MDM4: variants seen among roughly 807,000 people sequenced by gnomAD.
MDM4 encodes the protein MDM4 regulator of p53.
MDM4 carries 2 observed loss-of-function variants against 60.2 expected under a neutral mutation model. That is an observed-to-expected ratio of 0.03 (90% CI 0.01 to 0.10). MDM4 has a LOEUF of 0.10. Ranked by LOEUF, MDM4 falls within the 10% of genes least tolerant of loss-of-function variation. The pLI is 1.00. For missense variants in MDM4, 447 were observed against 577.5 expected, an observed-to-expected ratio of 0.77 and a Z score of 2.32; for synonymous variants, 202 against 198.1, an observed-to-expected ratio of 1.02 and a Z score of -0.17.
At chr1:204,536,870 G>A in intron 5 of MDM4, 1 of 363,682 alleles carries the variant, frequency 2.7e-6, no homozygotes, top group Non-Finnish European at 5.3e-6. Flanking sequence ...TTTATATACA[G>A]GTGATGGTAA....
chr1:204,532,186 A>G lies in MDM4; in HGVS notation c.288-5A>G. The G allele has an allele frequency of 1.3e-6, 2 of 1,584,698 alleles. No homozygotes were observed. Among genetic ancestry groups the G allele is most frequent in the Non-Finnish European group, 1.7e-6 (2 of 1,154,260 alleles). On this transcript the variant is annotated splice_polypyrimidine_tract_variant and splice_region_variant and intron_variant, in intron 4 of 10. Transcript: ENST00000367182. ...TGTTAATTTTTTATCTTCTCTCTTT[A>G]ACAGCCCTCTCTATGATATGCTAAG...
chr1:204,542,099 G>T (rs1251050417), intron 7 of MDM4, among the ~76,000 whole-genome samples: 3 of 152,182 alleles, frequency 2.0e-5, no homozygotes, highest in African/African-American at 7.2e-5. Flanking sequence ...ATAACGTGGG[G>T]TCTTAGTATT....
chr1:204,519,066 C>T (rs1042599222), intron 1 of MDM4, among the ~76,000 whole-genome samples: 2 of 152,048 alleles, frequency 1.3e-5, no homozygotes, highest in African/African-American at 2.4e-5. Context: ...AATGAAGGGA[C>T]GATTTGTGCA....
rs1663462752 is a variant in MDM4, at chr1:204,555,267, G to GC, written c.*5587dup. ...CCTCCCGGGTTCACCCCATTCTCCTGCCTCAGCCTCCCTAGTAGCTGGGAC... is the reference window on the plus strand; with the variant it reads ...CCTCCCGGGTTCACCCCATTCTCCTGCCCTCAGCCTCCCTAGTAGCTGGGAC... On this transcript the variant is annotated 3_prime_UTR_variant, in exon 11 of 11. Coordinates refer to ENST00000367182, the MANE Select transcript of MDM4 (RefSeq NM_002393.5). 5.9e-6 allele frequency: 1 copy of GC among 170,402 alleles called. No homozygotes were observed. Among genetic ancestry groups the GC allele is most frequent in the Non-Finnish European group, 1.3e-5 (1 of 78,908 alleles). The allele number at this position is 170,402 out of a possible 1,614,324, so 10.6% of individuals were successfully genotyped here.
intron 10 of MDM4, among the ~76,000 whole-genome samples, 160 bp from the exon 11 acceptor site, chr1:204,548,953 G>C (rs895811507): frequency 6.6e-6 from 1 of 152,142 alleles, no homozygotes; most frequent in African/African-American, 2.4e-5. Flanking sequence ...ACCTTCCAAA[G>C]ACTTTCCTTC....
chr1:204,524,988 T>A (rs2102310670), intron 1 of MDM4, among the ~76,000 whole-genome samples: 1 of 152,356 alleles, frequency 6.6e-6, no homozygotes, highest in South Asian at 2.1e-4. Flanking sequence ...ATTTACAAGC[T>A]GTTTTAACTG....
intron 1 of MDM4, among the ~76,000 whole-genome samples, chr1:204,524,914 G>A (rs978021221): frequency 6.6e-6 from 1 of 152,056 alleles, no homozygotes; most frequent in Non-Finnish European, 1.5e-5. Flanking sequence ...GATGGTATAT[G>A]TCCATCTCGG....
Position 204,555,908 on chromosome 1 carries a change from T to C in MDM4, c.*6226T>C, listed in dbSNP as rs1365885344. ...ATAACATCTTATTAGAGCCCCTAATTTCTTATCTGAAGGCACTGTTTTTTT... is the reference window on the plus strand; with the variant it reads ...ATAACATCTTATTAGAGCCCCTAATCTCTTATCTGAAGGCACTGTTTTTTT... On this transcript the variant is annotated 3_prime_UTR_variant, in exon 11 of 11. Transcript: ENST00000367182. 1 of 182,212 alleles carries C rather than the reference T, an allele frequency of 5.5e-6. No individual in the cohort carries two copies. Among genetic ancestry groups the C allele is most frequent in the Non-Finnish European group, 1.1e-5 (1 of 88,844 alleles). 11.3% of individuals were successfully genotyped at this position (182,212 alleles called of 1,614,324 possible). A position where few individuals can be genotyped will look rare whatever the true frequency, so the allele number is the denominator to read the frequency against.
intron 9 of MDM4, 59 bp downstream of exon 9, chr1:204,544,743 G>A (rs1019933327): frequency 4.7e-6 from 7 of 1,488,138 alleles, no homozygotes; most frequent in African/African-American, 1.4e-5. Flanking sequence ...ATCATCTGTT[G>A]AGATTTCTTT....
At chr1:204,540,151 G>A (rs1266533818) in intron 7 of MDM4, among the ~76,000 whole-genome samples, 5 of 151,950 alleles carry the variant, frequency 3.3e-5, no homozygotes, top group Non-Finnish European at 7.4e-5. Flanking sequence ...TGGGTGTGGT[G>A]GCGGGCGCCC....
Position 204,551,904 on chromosome 1 carries a change from C to T in MDM4, c.*2222C>T, listed in dbSNP as rs541772411. 7.3e-5 allele frequency: 14 copies of T among 192,196 alleles called. No homozygotes were observed. Among genetic ancestry groups the T allele is most frequent in the African/African-American group, 3.3e-4 (14 of 42,814 alleles). The allele number at this position is 192,196 out of a possible 1,614,324, so 11.9% of individuals were successfully genotyped here. A position where few individuals can be genotyped will look rare whatever the true frequency, so the allele number is the denominator to read the frequency against. ...ACAGGGGTGTCCAATCTTTTGGCTTCCCTGGTCCACAATGGAAGAAGAATT... is the reference window on the plus strand; with the variant it reads ...ACAGGGGTGTCCAATCTTTTGGCTTTCCTGGTCCACAATGGAAGAAGAATT... On this transcript the variant is annotated 3_prime_UTR_variant, in exon 11 of 11. Coordinates refer to ENST00000367182, the MANE Select transcript of MDM4 (RefSeq NM_002393.5).
At chr1:204,524,519 C>T (rs1490874442) in intron 1 of MDM4, among the ~76,000 whole-genome samples, 1 of 152,238 alleles carries the variant, frequency 6.6e-6, no homozygotes, top group Non-Finnish European at 1.5e-5. Context: ...TGGCTCACGC[C>T]TGTAATCCCA....
chr1:204,528,827 C>G, intron 3 of MDM4: 2 of 1,489,926 alleles, frequency 1.3e-6, no homozygotes, highest in Non-Finnish European at 1.9e-6. Context: ...GCACTCCACT[C>G]TCCACAGATG....
At chr1:204,518,225 G>A (rs769076089) in intron 1 of MDM4, among the ~76,000 whole-genome samples, 3 of 152,174 alleles carry the variant, frequency 2.0e-5, no homozygotes, top group Non-Finnish European at 4.4e-5. Flanking sequence ...TGTGATCATT[G>A]CACACTACAG....
intron 5 of MDM4, among the ~76,000 whole-genome samples, chr1:204,534,663 A>G (rs773230765): frequency 2.0e-5 from 3 of 151,718 alleles, no homozygotes; most frequent in Admixed American, 6.6e-5. Flanking sequence ...AGTTTTTTGT[A>G]TATTTTTTTG....
At chr1:204,523,163 G>A (rs1223857899) in intron 1 of MDM4, among the ~76,000 whole-genome samples, 2 of 150,780 alleles carry the variant, frequency 1.3e-5, no homozygotes, top group East Asian at 4.0e-4. Context: ...GTGCCCGGCT[G>A]ATAGTCTTAA....
intron 2 of MDM4, among the ~76,000 whole-genome samples, chr1:204,526,097 A>T (rs1222732614): frequency 6.6e-6 from 1 of 151,924 alleles, no homozygotes; most frequent in Non-Finnish European, 1.5e-5. Context: ...TCTACAAAAA[A>T]ATACAAAAAT....
chr1:204,520,965 T>C (rs1334697785), intron 1 of MDM4, among the ~76,000 whole-genome samples: 1 of 152,178 alleles, frequency 6.6e-6, no homozygotes, highest in Non-Finnish European at 1.5e-5. Flanking sequence ...AAAAGAGTTA[T>C]GATTAATTCT....
At chr1:204,530,898 A>G in intron 4 of MDM4, 81 bp downstream of exon 4, 1 of 1,556,988 alleles carries the variant, frequency 6.4e-7, no homozygotes, top group Non-Finnish European at 8.8e-7. Context: ...AATATTTATT[A>G]CTTCACTCAA....
Sources: gnomAD v4.1 joint callset for allele counts (sites outside exome capture counted in the v4.1 genomes callset) on GRCh38, gnomAD v4.1.1 for gene constraint, MANE v1.5 for transcripts, NCBI Gene and HGNC (gene_info 2026-07-23, HGNC 2026-07-21) for gene names.